CHAT: variants seen among roughly 807,000 people sequenced by gnomAD.
CHAT encodes the protein choline O-acetyltransferase.
Under a neutral mutation model 76.9 loss-of-function variants are expected in CHAT, and 61 were observed. The ratio of observed to expected loss-of-function variants is 0.79; its 90% CI spans 0.65 to 0.98. CHAT has a LOEUF of 0.98. Among genes scored for constraint, CHAT ranks in the 50% least tolerant of loss-of-function variants. CHAT has a pLI of 0.00. For missense variants in CHAT, 946 were observed against 986.9 expected (o/e 0.96, Z 0.56); for synonymous variants, 407 against 397.4 (o/e 1.02, Z -0.29).
chr10:49,619,668 G>C, intron 2 of CHAT, 57 bp from the exon 3 acceptor site: 1 of 1,551,562 alleles, frequency 6.4e-7, no homozygotes, highest in Non-Finnish European at 8.8e-7. Context: ...ACCAACTTGG[G>C]GACAGGCATG....
intron 7 of CHAT, among the ~76,000 whole-genome samples, chr10:49,643,164 T>C (rs1249695731): frequency 6.6e-6 from 1 of 152,250 alleles, no homozygotes; most frequent in East Asian, 1.9e-4. Flanking sequence ...CTATCTTATA[T>C]GCATCAATAT....
rs748510157 is a variant in CHAT at position 49,646,629 on chromosome 10, C to A, written c.1236C>A (p.Gly412=). The A allele has an allele frequency of 5.5e-5, 89 of 1,614,058 alleles. No individual in the cohort carries two copies. In the East Asian group the frequency reaches 2.0e-3, roughly 36 times the overall value. The change falls in exon 8 of 15, where the codon GGC becomes GGA. Residue 412 remains glycine, a synonymous_variant. Coordinates refer to ENST00000337653, the MANE Select transcript of CHAT (RefSeq NM_020549.5). ...CACTCCAGCTCCTTCACGGCGGAGG[C>A]TACAGCAAGAACGGGGCCAATCGCT... ...HRALQLLHGG[G]YSKNGANRWY...
At position 49,662,674 on chromosome 10, in the gene CHAT, C is replaced by A. The variant is rs1291041279; in HGVS notation, c.1869C>A (p.His623Gln). 5 of 1,614,232 alleles carry A rather than the reference C, an allele frequency of 3.1e-6. No homozygotes were observed. The highest frequency in any genetic ancestry group is 4.2e-6 in the Non-Finnish European group (5 of 1,180,034). Residue 623 changes from histidine (H) to glutamine (Q), a missense_variant, in exon 14 of 15, where the codon CAC (histidine) becomes CAA (glutamine). Physicochemically the swap from His to Gln is conservative, Grantham distance 24. Transcript: ENST00000337653. Reference sequence around the variant, plus strand: ...TAACAGGGATGGCCATTGACAACCACCTGCTGGCACTGCGGGAGCTGGCCC... The same window carrying A: ...TAACAGGGATGGCCATTGACAACCAACTGCTGGCACTGCGGGAGCTGGCCC... ...MAITGMAIDN[H>Q]LLALRELARA...
chr10:49,666,526 C>A lies in CHAT; in HGVS notation c.*1480C>A, dbSNP rs926730552. ...TTCCTGCTGAGCACTCTGCTCTAGC[C>A]CAGCAATCCTGTAGGTCTCCCTTCT... On this transcript the variant is annotated 3_prime_UTR_variant, in exon 15 of 15. Transcript: ENST00000337653. 2.6e-5 allele frequency among the ~76,000 whole-genome samples: 4 copies of A among 152,194 alleles called. No individual in the cohort carries two copies. Among genetic ancestry groups the A allele is most frequent in the African/African-American group, 9.7e-5 (4 of 41,446 alleles).
intron 4 of CHAT, among the ~76,000 whole-genome samples, chr10:49,620,892 C>A (rs1174941395): frequency 6.6e-6 from 1 of 152,238 alleles, no homozygotes; most frequent in Non-Finnish European, 1.5e-5. Context: ...ACAGCCTCCA[C>A]CTGGCTGAGG....
At chr10:49,610,256 C>A (rs1182092309), upstream of CHAT, 2 of 152,798 alleles carry the variant, frequency 1.3e-5, no homozygotes, top group African/African-American at 4.8e-5. Context: ...TGGGACTCGC[C>A]GCGTCACAGC....
intron 14 of CHAT, among the ~76,000 whole-genome samples, chr10:49,663,660 A>G (rs1840267976): frequency 6.6e-6 from 1 of 152,240 alleles, no homozygotes; most frequent in African/African-American, 2.4e-5. Context: ...GAAATGCCCC[A>G]CAGCCATCAA....
chr10:49,627,750 G>T lies in CHAT; in HGVS notation c.1076G>T (p.Ser359Ile). Residue 359 changes from serine (S) to isoleucine (I), a missense_variant, in exon 7 of 15, where the codon AGC becomes ATC. Ser to Ile is a moderately radical substitution (Grantham distance 142). Transcript: ENST00000337653. ...PIGLLTSDGRSEWAEARTVLV... is the reference protein window; with the variant it reads ...PIGLLTSDGRIEWAEARTVLV... ...GGCCTGCTGACGTCTGACGGGAGGA[G>T]CGAGTGGGCCGAGGCCAGGACGGTC... 6.2e-7 allele frequency: 1 copy of T among 1,614,030 alleles called. No individual in the cohort carries two copies.
chr10:49,612,046 C>G (rs773305790), upstream of CHAT: 2 of 1,613,750 alleles, frequency 1.2e-6, no homozygotes, highest in African/African-American at 2.7e-5. Context: ...CGCGCTCGGG[C>G]CCATAGTGGC....
intron 8 of CHAT, among the ~76,000 whole-genome samples, chr10:49,647,563 G>A (rs1434464303): frequency 6.6e-6 from 1 of 152,082 alleles, no homozygotes; most frequent in Non-Finnish European, 1.5e-5. Flanking sequence ...CTTTTTATTG[G>A]TTTGCATATT....
At chr10:49,613,999 G>A (rs1221071744), upstream of CHAT, 1 of 1,058,694 alleles carries the variant, frequency 9.4e-7, no homozygotes, top group African/African-American at 1.5e-5. Flanking sequence ...AGCACCCCAA[G>A]GCTGGAATAA....
chr10:49,627,232 C>T (rs973226526), intron 6 of CHAT, among the ~76,000 whole-genome samples: 2 of 152,240 alleles, frequency 1.3e-5, no homozygotes, highest in Non-Finnish European at 2.9e-5. Flanking sequence ...CTCTAAGCCT[C>T]AGGCTAAAAT....
chr10:49,627,772 G>A lies in CHAT; in HGVS notation c.1098G>A (p.Thr366=), dbSNP rs780860401. 4.5e-5 allele frequency: 73 copies of A among 1,613,612 alleles called. No individual in the cohort carries two copies. Among genetic ancestry groups the A allele is most frequent in the Middle Eastern group, 1.7e-4 (1 of 6,034 alleles). Residue 366 remains threonine (T), a synonymous_variant, in exon 7 of 15, where the codon ACG becomes ACA. Coordinates refer to ENST00000337653, the MANE Select transcript of CHAT (RefSeq NM_020549.5). ...GGAGCGAGTGGGCCGAGGCCAGGAC[G>A]GTCCTCGTGAAAGGTCAGCCGCAGT... ...DGRSEWAEAR[T]VLVKDSTNRD... is the part of the protein sequence containing the mutation.
intron 7 of CHAT, among the ~76,000 whole-genome samples, chr10:49,645,789 C>G (rs1431975111): frequency 6.6e-6 from 1 of 152,138 alleles, no homozygotes; most frequent in African/African-American, 2.4e-5. Context: ...AGAAGAATGT[C>G]TAGAGGAGCC....
intron 10 of CHAT, among the ~76,000 whole-genome samples, chr10:49,650,982 C>T (rs996939758): frequency 6.6e-6 from 1 of 151,978 alleles, no homozygotes; most frequent in African/African-American, 2.4e-5. Flanking sequence ...CTGAGCAGAC[C>T]CCACATTCCC....
chr10:49,619,627 A>G (rs1838623025), intron 2 of CHAT, 98 bp from the exon 3 acceptor site: 24 of 1,217,620 alleles, frequency 2.0e-5, no homozygotes, highest in Non-Finnish European at 2.8e-5. Context: ...GTAGAGAACA[A>G]CACAGGGGCA....
chr10:49,650,966 A>G (rs1019601738), intron 10 of CHAT, among the ~76,000 whole-genome samples: 1 of 152,058 alleles, frequency 6.6e-6, no homozygotes, highest in African/African-American at 2.4e-5. Context: ...ACTCACTTCC[A>G]GGGACCTGAG....
intron 13 of CHAT, among the ~76,000 whole-genome samples, chr10:49,657,404 A>C (rs750491375): frequency 5.3e-5 from 8 of 152,172 alleles, no homozygotes; most frequent in Non-Finnish European, 1.2e-4. Flanking sequence ...GTTTCAACAC[A>C]TGAAGTTTGG....
At position 49,666,984 on chromosome 10, in the gene CHAT, A is replaced by G. The variant is rs2132863511; in HGVS notation, c.*1938A>G. 6.6e-6 allele frequency among the ~76,000 whole-genome samples: 1 copy of G among 152,316 alleles called. No individual in the cohort carries two copies. Among genetic ancestry groups the G allele is most frequent in the East Asian group, 1.9e-4 (1 of 5,180 alleles). On this transcript the variant is annotated 3_prime_UTR_variant, in exon 15 of 15. Coordinates refer to ENST00000337653, the MANE Select transcript of CHAT (RefSeq NM_020549.5). ...TCTGCGCAGACATAGAGCTCCAGCTATGGGGCCAGGCAGCCCCACCAACCT... is the reference window on the plus strand; with the variant it reads ...TCTGCGCAGACATAGAGCTCCAGCTGTGGGGCCAGGCAGCCCCACCAACCT...
Sources: gnomAD v4.1 joint callset for allele counts (sites outside exome capture counted in the v4.1 genomes callset) on GRCh38, gnomAD v4.1.1 for gene constraint, MANE v1.5 for transcripts, NCBI Gene and HGNC (gene_info 2026-07-23, HGNC 2026-07-21) for gene names.